The following BLACAT1 variants were observed in gnomAD, a reference collection of about 807,000 sequenced individuals.
BLACAT1 encodes BLACAT1 overlapping LEMD1 locus.
chr1:205,439,363 A>G (rs1666257007), downstream of BLACAT1, among the ~76,000 whole-genome samples: 1 of 152,182 alleles, frequency 6.6e-6, no homozygotes, highest in South Asian at 2.1e-4. Context: ...GGGTTGGAGG[A>G]TGGGAGGAGG....
chr1:205,440,412 G>T (rs1666272702), exon 2 of BLACAT1, among the ~76,000 whole-genome samples: 1 of 152,208 alleles, frequency 6.6e-6, no homozygotes, highest in Non-Finnish European at 1.5e-5. Flanking sequence ...GCTGGAAAAG[G>T]ATTCTTGCCC....
chr1:205,444,818 G>A (rs1187963962), intron 1 of BLACAT1, among the ~76,000 whole-genome samples: 1 of 151,638 alleles, frequency 6.6e-6, no homozygotes, highest in East Asian at 1.9e-4. Flanking sequence ...CGCCCCCCAC[G>A]ACCCATCCCT....
In BLACAT1 at chr1:205,454,778, C is replaced by T. The variant is rs374337212; in HGVS notation, c.-37+1139G>A. The stretch of plus-strand genomic sequence containing the variant: ...CTTTCACCAGGGGTTCCCATCCCAG[C>T]CTCAAAAGAGCTGACTTTTCCTCCA... On this transcript the variant is annotated intron_variant, in intron 1 of 1. Coordinates refer to ENST00000629624, the Ensembl canonical transcript of BLACAT1. Among the ~76,000 whole-genome samples, 9 of 152,014 alleles carry T rather than the reference C, an allele frequency of 5.9e-5. No homozygotes were observed. The East Asian group carries it at 9.7e-4, about 16-fold the overall frequency.
At chr1:205,436,893 A>C (rs1401905856), downstream of BLACAT1, 6 of 152,284 alleles carry the variant, frequency 3.9e-5, no homozygotes, top group African/African-American at 1.4e-4. Flanking sequence ...CACATCTGAT[A>C]AGTGTGCCCT....
In BLACAT1 at chr1:205,450,276, T is replaced by C. The variant is rs958069528; in HGVS notation, c.-37+5641A>G. Among the ~76,000 whole-genome samples, 1 of 151,960 alleles carries C rather than the reference T, an allele frequency of 6.6e-6. No homozygotes were observed. The highest frequency in any genetic ancestry group is 1.5e-5 in the Non-Finnish European group (1 of 67,968). On this transcript the variant is annotated intron_variant, in intron 1 of 1. Coordinates refer to ENST00000629624, the Ensembl canonical transcript of BLACAT1. This position sits in a 1 kb window ranked among gnomAD's most constrained non-coding sequence, Gnocchi z 4.4. Reference sequence around the variant, plus strand: ...TCACTCCCTCTGAACCAGCCATGTATTACTCACGTCCCCCTGCCGGGCTAT... The same window carrying C: ...TCACTCCCTCTGAACCAGCCATGTACTACTCACGTCCCCCTGCCGGGCTAT...
intron 1 of BLACAT1, among the ~76,000 whole-genome samples, chr1:205,451,551 G>T (rs1157753004): frequency 6.6e-6 from 1 of 152,090 alleles, no homozygotes; most frequent in African/African-American, 2.4e-5. Context: ...GGCAGGAGTT[G>T]GGGGGAGTGG....
chr1:205,442,163 G>A (rs1005142023), intron 1 of BLACAT1, among the ~76,000 whole-genome samples: 4 of 152,244 alleles, frequency 2.6e-5, no homozygotes, highest in Non-Finnish European at 4.4e-5. Context: ...AGGTCAGGCC[G>A]GGGCCTGGTC....
exon 2 of BLACAT1, chr1:205,440,803 G>C (rs957940163): frequency 6.6e-6 from 1 of 152,556 alleles, no homozygotes; most frequent in East Asian, 1.9e-4. Context: ...AGGCTGAGAA[G>C]AGCACTGGCT....
At chr1:205,447,854 T>G (rs1666430022) in intron 1 of BLACAT1, among the ~76,000 whole-genome samples, 1 of 151,728 alleles carries the variant, frequency 6.6e-6, no homozygotes, top group South Asian at 2.1e-4. Context: ...AGCCCAGAGG[T>G]CTCCTTACAC....
intron 1 of BLACAT1, among the ~76,000 whole-genome samples, chr1:205,453,688 C>T (rs921613591): frequency 3.9e-5 from 6 of 151,976 alleles, no homozygotes; most frequent in East Asian, 1.9e-4. Flanking sequence ...GGGGAGTCTC[C>T]GCAGCCTGGG....
downstream of BLACAT1, chr1:205,436,153 G>GA (rs749913374): frequency 6.6e-6 from 1 of 152,344 alleles, no homozygotes; most frequent in African/African-American, 2.4e-5. Context: ...GGAATGAGCT[G>GA]AAGGAGGAGA....
chr1:205,444,173 A>T (rs1341995281), intron 1 of BLACAT1, among the ~76,000 whole-genome samples: 2 of 151,858 alleles, frequency 1.3e-5, no homozygotes, highest in Admixed American at 6.6e-5. Context: ...GGGACTAAGG[A>T]ATGGAAAAAC....
chr1:205,454,984 C>T (rs769974253), intron 1 of BLACAT1, among the ~76,000 whole-genome samples: 6 of 152,142 alleles, frequency 3.9e-5, no homozygotes, highest in African/African-American at 9.7e-5. Flanking sequence ...GAATGTTGGT[C>T]GGAAGGGAGG....
Position 205,445,296 on chromosome 1 carries a change from A to C in BLACAT1, c.-36-4234T>G, listed in dbSNP as rs77840541. On this transcript the variant is annotated intron_variant, in intron 1 of 1. Transcript: ENST00000629624. ...CTGTAGTCTACAAGACCGTGTTGAT[A>C]AACAGGCAGGCCAGGGGTGGGTGGT... Among the ~76,000 whole-genome samples, 80 of 152,306 alleles carry C rather than the reference A, an allele frequency of 5.3e-4. 2 individuals carry two copies. In the East Asian group the frequency reaches 0.014, roughly 27 times the overall value.
At chr1:205,442,482 C>G (rs1157978093) in intron 1 of BLACAT1, among the ~76,000 whole-genome samples, 1 of 152,212 alleles carries the variant, frequency 6.6e-6, no homozygotes, top group Admixed American at 6.5e-5. Flanking sequence ...CTTCGTGTTT[C>G]TCCAGACAGA....
intron 1 of BLACAT1, among the ~76,000 whole-genome samples, chr1:205,453,703 C>A (rs1396170275): frequency 6.6e-6 from 1 of 152,226 alleles, no homozygotes; most frequent in Non-Finnish European, 1.5e-5. Context: ...CCTGGGTACC[C>A]CCAGCCTCTG....
chr1:205,440,463 G>C (rs2102464175), exon 2 of BLACAT1: 1 of 152,350 alleles, frequency 6.6e-6, no homozygotes, highest in African/African-American at 2.4e-5. Context: ...CTTCCGCCCT[G>C]GAGGCCTTCT....
In BLACAT1 at chr1:205,453,466, A is replaced by T. The variant is rs922207340; in HGVS notation, c.-37+2451T>A. ...GGTAAAGTGGGGTGGGCACTGCTCC[A>T]CTGAGCAGGAAAGCACAATTTTTCC... On this transcript the variant is annotated intron_variant, in intron 1 of 1. Transcript: ENST00000629624. 1.6e-4 allele frequency among the ~76,000 whole-genome samples: 24 copies of T among 152,178 alleles called. 1 individual carries two copies.
intron 1 of BLACAT1, among the ~76,000 whole-genome samples, chr1:205,443,509 T>C (rs1338412698): frequency 6.6e-6 from 1 of 152,148 alleles, no homozygotes; most frequent in Admixed American, 6.5e-5. Context: ...GGAGAGCTAA[T>C]GAAGCTGGCC....
Sources: gnomAD v4.1 joint callset for allele counts (sites outside exome capture counted in the v4.1 genomes callset) on GRCh38, gnomAD v4.1.1 for gene constraint, Gnocchi (gnomAD v3.1) non-coding constraint, MANE v1.5 for transcripts, NCBI Gene and HGNC (gene_info 2026-07-23, HGNC 2026-07-21) for gene names.